Variants in RNF2 observed in about 807,000 individuals in gnomAD.
RNF2 encodes the protein ring finger protein 2.
RNF2 carries 6 observed loss-of-function variants against 37.2 expected under a neutral mutation model. The ratio of observed to expected loss-of-function variants is 0.16; its 90% confidence interval spans 0.09 to 0.32. The LOEUF is 0.32. Among genes scored for constraint, RNF2 ranks in the 10% least tolerant of loss-of-function variants. RNF2 has a pLI of 1.00. For synonymous variants in RNF2, 133 were observed against 132.7 expected, an observed-to-expected ratio of 1.00 and a Z score of -0.02; for missense variants, 251 against 404.0, an observed-to-expected ratio of 0.62 and a Z score of 3.25.
In RNF2 at chr1:185,100,033, G is replaced by A; in HGVS notation, c.909+71G>A. ...CCAACTAACTGAGTGGCAAGTGGTGGGGTAGAATCTAATAAATAATGTAAA... is the reference window on the plus strand; with the variant it reads ...CCAACTAACTGAGTGGCAAGTGGTGAGGTAGAATCTAATAAATAATGTAAA... On this transcript the variant is annotated intron_variant, in intron 6 of 6. Coordinates refer to ENST00000367510, the MANE Select transcript of RNF2 (RefSeq NM_007212.4). 3 of 1,405,124 alleles carry A rather than the reference G, an allele frequency of 2.1e-6. No homozygotes were observed. The Admixed American group carries it at 6.2e-5, about 29-fold the overall frequency. The allele number at this position is 1,405,124 out of a possible 1,614,324, so 87.0% of individuals were successfully genotyped here.
chr1:185,093,049 C>T lies in RNF2; in HGVS notation c.249-12C>T, dbSNP rs1187279842. 1 of 1,612,488 alleles carries T rather than the reference C, an allele frequency of 6.2e-7. No homozygotes were observed. The highest frequency in any genetic ancestry group is 8.5e-7 in the Non-Finnish European group (1 of 1,179,008). Reference sequence around the variant, plus strand: ...GCATTGTTTACATTTGCTTTCCCCTCCTTTTATTTAGCAACAAAGAATGTC... The same window carrying T: ...GCATTGTTTACATTTGCTTTCCCCTTCTTTTATTTAGCAACAAAGAATGTC... On this transcript the variant is annotated splice_polypyrimidine_tract_variant and intron_variant, in intron 3 of 6. Coordinates refer to ENST00000367510, the MANE Select transcript of RNF2 (RefSeq NM_007212.4).
chr1:185,069,692 G>A (rs995886912), intron 1 of RNF2, among the ~76,000 whole-genome samples: 1 of 152,126 alleles, frequency 6.6e-6, no homozygotes, highest in Non-Finnish European at 1.5e-5. Context: ...CTCAAAGATT[G>A]GGTATGTGTT....
chr1:185,070,343 C>T (rs1200506179), intron 1 of RNF2, among the ~76,000 whole-genome samples: 2 of 152,214 alleles, frequency 1.3e-5, no homozygotes, highest in African/African-American at 4.8e-5. Flanking sequence ...CCAAGCTGAT[C>T]CAGTTCCAAA....
At chr1:185,080,495 A>G (rs971327266) in intron 1 of RNF2, among the ~76,000 whole-genome samples, 2 of 152,234 alleles carry the variant, frequency 1.3e-5, no homozygotes, top group Non-Finnish European at 2.9e-5. Context: ...AAGAATTGAG[A>G]TAATGATTTT....
intron 1 of RNF2, among the ~76,000 whole-genome samples, chr1:185,062,758 GTTAAC>G (rs1402520625): frequency 1.3e-5 from 2 of 150,008 alleles, no homozygotes; most frequent in African/African-American, 4.9e-5. Flanking sequence ...GTTCTTACAA[GTTAAC>G]TTAAAAAAAA....
chr1:185,057,805 G>GAA lies in RNF2; in HGVS notation c.-3+12169_-3+12170dup, dbSNP rs111301848. On this transcript the variant is annotated intron_variant, in intron 1 of 6. Transcript: ENST00000367510. ...GCAGGTGGAAAATTACTCTAAAGGG[G>GAA]AAAAAAAAAAAAAACAGTAAAACAG... Among the ~76,000 whole-genome samples the GAA allele has an allele frequency of 5.5e-4, 75 of 136,560 alleles. 1 individual carries two copies. Among genetic ancestry groups the GAA allele is most frequent in the Non-Finnish European group, 9.3e-4 (58 of 62,156 alleles). The allele number at this position is 136,560 out of a possible 152,430, so 89.6% of individuals were successfully genotyped here. A position where few individuals can be genotyped will look rare whatever the true frequency, so the allele number is the denominator to read the frequency against.
chr1:185,100,932 A>G lies in RNF2; in HGVS notation c.*631A>G, dbSNP rs1340952373. On this transcript the variant is annotated 3_prime_UTR_variant, in exon 7 of 7. Transcript: ENST00000367510. ...TTTTTTTCCATTCTTTTTCCCTGTA[A>G]TTTTGGAATTTCTGGTCCTGGGAAG... 1 of 151,584 alleles carries G rather than the reference A, an allele frequency of 6.6e-6. No individual in the cohort carries two copies. The highest frequency in any genetic ancestry group is 2.4e-5 in the African/African-American group (1 of 41,108). 9.4% of individuals were successfully genotyped at this position (151,584 alleles called of 1,614,324 possible).
At chr1:185,053,288 A>G (rs569841181) in intron 1 of RNF2, among the ~76,000 whole-genome samples, 1 of 151,240 alleles carries the variant, frequency 6.6e-6, no homozygotes, top group Non-Finnish European at 1.5e-5. Flanking sequence ...GTTGATCCAC[A>G]TACTCCTGTC....
intron 1 of RNF2, among the ~76,000 whole-genome samples, chr1:185,063,380 T>C (rs1289392226): frequency 6.6e-6 from 1 of 152,220 alleles, no homozygotes; most frequent in African/African-American, 2.4e-5. Context: ...TTCATCCAGA[T>C]GAAAGATGAT....
intron 1 of RNF2, among the ~76,000 whole-genome samples, chr1:185,054,326 T>C (rs1650364390): frequency 6.6e-6 from 1 of 152,230 alleles, no homozygotes; most frequent in Non-Finnish European, 1.5e-5. Flanking sequence ...TCAGAACTGT[T>C]CACATACATA....
intron 1 of RNF2, among the ~76,000 whole-genome samples, chr1:185,056,080 G>A (rs182907074): frequency 6.6e-6 from 1 of 152,222 alleles, no homozygotes; most frequent in African/African-American, 2.4e-5. Flanking sequence ...GCATTGAAAT[G>A]TAGGTCCCAT....
At chr1:185,065,605 C>T (rs556877612) in intron 1 of RNF2, among the ~76,000 whole-genome samples, 6 of 152,160 alleles carry the variant, frequency 3.9e-5, no homozygotes, top group East Asian at 3.9e-4. Flanking sequence ...ACACTCACTG[C>T]GAAGGTCCAC....
At chr1:185,095,698 TA>T (rs1334505205) in intron 4 of RNF2, among the ~76,000 whole-genome samples, 2 of 152,252 alleles carry the variant, frequency 1.3e-5, no homozygotes, top group Non-Finnish European at 2.9e-5. Flanking sequence ...GTTCTTCCTT[TA>T]TATTGAATTA....
At chr1:185,073,025 T>C (rs1451572969) in intron 1 of RNF2, among the ~76,000 whole-genome samples, 1 of 148,614 alleles carries the variant, frequency 6.7e-6, no homozygotes, top group East Asian at 1.9e-4. Flanking sequence ...ATTGCTTAAA[T>C]AGGATGAAAT....
In RNF2 at chr1:185,084,144, A is replaced by G. The variant is rs79528293; in HGVS notation, c.-2-3408A>G. On this transcript the variant is annotated intron_variant, in intron 1 of 6. Transcript: ENST00000367510. The stretch of plus-strand genomic sequence containing the variant: ...TTTTTTGAGGAGATGGCTTCTTGCT[A>G]TGTTGCCCAGAATGGTCTTGAACTC... 5.5e-3 allele frequency among the ~76,000 whole-genome samples: 831 copies of G among 151,860 alleles called. 32 individuals carry two copies. In the East Asian group the frequency reaches 0.085, roughly 15 times the overall value.
At chr1:185,054,215 T>A (rs1289299541) in intron 1 of RNF2, among the ~76,000 whole-genome samples, 48 of 152,240 alleles carry the variant, frequency 3.2e-4, no homozygotes, top group Non-Finnish European at 7.3e-5. Flanking sequence ...CGGGTTTCAA[T>A]ATGCCTTGGA....
intron 5 of RNF2, 142 bp from the exon 6 acceptor site, chr1:185,099,649 A>G (rs1652020031): frequency 1.4e-6 from 1 of 696,682 alleles, no homozygotes; most frequent in African/African-American, 1.8e-5. Flanking sequence ...GTAGAGCAGT[A>G]AATTTCTGAT....
chr1:185,065,891 G>A (rs1650784145), intron 1 of RNF2, among the ~76,000 whole-genome samples: 1 of 151,420 alleles, frequency 6.6e-6, no homozygotes, highest in Non-Finnish European at 1.5e-5. Context: ...ACTTGCTCTA[G>A]CTAGAACTTC....
At chr1:185,061,242 C>G (rs998525233) in intron 1 of RNF2, among the ~76,000 whole-genome samples, 1 of 151,584 alleles carries the variant, frequency 6.6e-6, no homozygotes, top group Non-Finnish European at 1.5e-5. Context: ...ATTCTCCTGC[C>G]TCAGCCTCCC....
Sources: allele counts gnomAD v4.1 joint callset (sites outside exome capture counted in the v4.1 genomes callset), GRCh38; gene constraint gnomAD v4.1.1; transcripts MANE v1.5; gene names NCBI Gene and HGNC (gene_info 2026-07-23, HGNC 2026-07-21).